The following PDLIM5 variants were observed in gnomAD, a reference collection of about 807,000 sequenced individuals.
PDLIM5 encodes PDZ and LIM domain protein 5.
A neutral mutation model predicts 64.2 loss-of-function variants in PDLIM5; 34 were observed. That is an observed-to-expected ratio of 0.53 (90% CI 0.40 to 0.71). The LOEUF is 0.71. PDLIM5 is among the 30% of genes least tolerant of loss of function. The pLI, the probability that PDLIM5 is intolerant of heterozygous loss-of-function variation, is 0.00. For missense variants in PDLIM5, 683 were observed against 733.6 expected (o/e 0.93, Z 0.80); for synonymous variants, 253 against 269.1 (o/e 0.94, Z 0.59).
chr4:94,579,408 T>G (rs915533310), intron 5 of PDLIM5: 1 of 459,332 alleles, frequency 2.2e-6, no homozygotes, highest in African/African-American at 2.0e-5. Flanking sequence ...TTAATTTTGT[T>G]GGACTGAAAT....
intron 2 of PDLIM5, among the ~76,000 whole-genome samples, chr4:94,492,524 T>C (rs1236233641): frequency 6.6e-5 from 10 of 152,192 alleles, no homozygotes; most frequent in South Asian, 6.2e-4. Flanking sequence ...AAGAGGAAAC[T>C]TGGTACCCAT....
intron 7 of PDLIM5, chr4:94,586,951 A>C: frequency 7.2e-7 from 1 of 1,380,466 alleles, no homozygotes; most frequent in Non-Finnish European, 1.0e-6. Context: ...TGACTCTTCT[A>C]TCACTCTTTT....
At chr4:94,504,635 T>TA (rs1322992879) in intron 2 of PDLIM5, among the ~76,000 whole-genome samples, 1 of 152,168 alleles carries the variant, frequency 6.6e-6, no homozygotes, top group East Asian at 1.9e-4. Context: ...TGAAATTGTG[T>TA]AATGGTGCTC....
intron 1 of PDLIM5, among the ~76,000 whole-genome samples, chr4:94,452,284 G>C (rs531388433): frequency 2.6e-4 from 39 of 152,312 alleles, no homozygotes; most frequent in African/African-American, 8.4e-4. Context: ...CAGCGTAGCG[G>C]AGACGGGGAC....
chr4:94,573,980 A>G (rs1006410997), intron 4 of PDLIM5, among the ~76,000 whole-genome samples: 1 of 152,148 alleles, frequency 6.6e-6, no homozygotes, highest in African/African-American at 2.4e-5. Flanking sequence ...CAAAATCCCA[A>G]ACTTTCTGAA....
chr4:94,637,613 A>G (rs993218060), intron 8 of PDLIM5, among the ~76,000 whole-genome samples: 1 of 152,238 alleles, frequency 6.6e-6, no homozygotes, highest in East Asian at 1.9e-4. Flanking sequence ...CAAGTTGAGT[A>G]TTAAGTAACT....
At chr4:94,628,869 C>A (rs1337438534) in intron 8 of PDLIM5, among the ~76,000 whole-genome samples, 1 of 151,906 alleles carries the variant, frequency 6.6e-6, no homozygotes. Context: ...ACCATTGATC[C>A]TCTTTAGTAT....
chr4:94,578,541 G>T (rs909799398), intron 5 of PDLIM5, among the ~76,000 whole-genome samples: 8 of 152,288 alleles, frequency 5.3e-5, no homozygotes, highest in African/African-American at 1.9e-4. Flanking sequence ...TGTGTTGTCT[G>T]TGAAACTCTG....
intron 2 of PDLIM5, among the ~76,000 whole-genome samples, chr4:94,481,062 A>C (rs1578226528): frequency 6.6e-6 from 1 of 152,034 alleles, no homozygotes; most frequent in African/African-American, 2.4e-5. Flanking sequence ...TTTATTGTTT[A>C]TGTATTTTTA....
Position 94,494,942 on chromosome 4 carries a change from G to T in PDLIM5, c.97-28782G>T, listed in dbSNP as rs111678564. On this transcript the variant is annotated intron_variant, in intron 2 of 12. Coordinates refer to ENST00000317968, the MANE Select transcript of PDLIM5 (RefSeq NM_006457.5). The stretch of plus-strand genomic sequence containing the variant: ...TTTTTTGTATTTTAGTACAGACGGG[G>T]TTTCACTTTGTTGCCCAGGCTGGTC... Among the ~76,000 whole-genome samples, 499 of 151,908 alleles carry T rather than the reference G, an allele frequency of 3.3e-3. 1 individual carries two copies. The highest frequency in any genetic ancestry group is 0.011 in the African/African-American group (466 of 41,418).
At chr4:94,660,927 A>T (rs1044411195) in intron 11 of PDLIM5, among the ~76,000 whole-genome samples, 7 of 124,012 alleles carry the variant, frequency 5.6e-5, no homozygotes, top group African/African-American at 8.4e-5. Context: ...AAAAAAAAAT[A>T]AAAAAAATAG....
chr4:94,555,853 A>C (rs1733251387), intron 3 of PDLIM5, among the ~76,000 whole-genome samples: 1 of 151,746 alleles, frequency 6.6e-6, no homozygotes, highest in Admixed American at 6.6e-5. Flanking sequence ...AAACTAATTT[A>C]GGGAAGTTAA....
chr4:94,526,535 T>TA (rs1396904336), intron 3 of PDLIM5, among the ~76,000 whole-genome samples: 7 of 152,158 alleles, frequency 4.6e-5, no homozygotes, highest in African/African-American at 1.4e-4. Context: ...TCAGCCTGTT[T>TA]TGATAGAGTG....
In PDLIM5 at chr4:94,643,503, C is replaced by T. The variant is rs180793910; in HGVS notation, c.1283+3053C>T. ...TTCCGTGGTAGAATGGGGTTTTGAA[C>T]ATTCTAGTTTATTTCTTAAGTGTTA... On this transcript the variant is annotated intron_variant, in intron 9 of 12. Transcript: ENST00000317968. Among the ~76,000 whole-genome samples the T allele has an allele frequency of 1.0e-3, 152 of 152,192 alleles. 1 individual carries two copies. The highest frequency in any genetic ancestry group is 3.4e-3 in the Middle Eastern group (1 of 294).
chr4:94,522,166 A>C lies in PDLIM5; in HGVS notation c.97-1558A>C, dbSNP rs116694208. On this transcript the variant is annotated intron_variant, in intron 2 of 12. Transcript: ENST00000317968. ...GTCAAGGGAATAATAATACAGTAAT[A>C]GCTAACATTTATTCAACTATATTAT... is the stretch of plus-strand genomic sequence containing the variant. Among the ~76,000 whole-genome samples, 792 of 152,308 alleles carry C rather than the reference A, an allele frequency of 5.2e-3. 5 individuals carry two copies. Among genetic ancestry groups the C allele is most frequent in the African/African-American group, 0.018 (735 of 41,562 alleles).
At chr4:94,526,050 C>A (rs1280880012) in intron 3 of PDLIM5, among the ~76,000 whole-genome samples, 1 of 152,058 alleles carries the variant, frequency 6.6e-6, no homozygotes, top group African/African-American at 2.4e-5. Context: ...GAAAGCAAAA[C>A]AAATAGAGAT....
chr4:94,576,186 A>G (rs1298932697), intron 5 of PDLIM5, 152 bp downstream of exon 5: 6 of 633,838 alleles, frequency 9.5e-6, no homozygotes, highest in Non-Finnish European at 1.7e-5. Context: ...GCCTTTATAT[A>G]CATAGGGTAC....
At chr4:94,587,236 G>T in intron 7 of PDLIM5, 3 of 1,344,676 alleles carry the variant, frequency 2.2e-6, no homozygotes. Context: ...GTGAGAAAAG[G>T]AAGATGAACA....
chr4:94,552,880 C>T (rs759881570), intron 3 of PDLIM5, among the ~76,000 whole-genome samples: 2 of 151,978 alleles, frequency 1.3e-5, no homozygotes, highest in Non-Finnish European at 2.9e-5. Context: ...TGGTCAGAAA[C>T]TCTAGAAGGG....
Sources: allele counts gnomAD v4.1 joint callset (sites outside exome capture counted in the v4.1 genomes callset), GRCh38; gene constraint gnomAD v4.1.1; transcripts MANE v1.5; gene names NCBI Gene and HGNC (gene_info 2026-07-23, HGNC 2026-07-21).